CTDP1: variants seen among roughly 807,000 people sequenced by gnomAD.
CTDP1 encodes CTD phosphatase 1, also known as RNA polymerase II subunit A C-terminal domain phosphatase.
Under a neutral mutation model 91.8 loss-of-function variants are expected in CTDP1, and 47 were observed. The ratio of observed to expected loss-of-function variants is 0.51; its 90% CI spans 0.41 to 0.65. CTDP1 has a LOEUF of 0.65. Ranked by LOEUF, CTDP1 falls within the 30% of genes least tolerant of loss-of-function variation. The pLI is 0.00. For missense variants in CTDP1, 1,272 were observed against 1,373.7 expected (o/e 0.93, Z 1.17); for synonymous variants, 656 against 598.5 (o/e 1.10, Z -1.40).
At chr18:79,742,280 C>A (rs115268776) in intron 12 of CTDP1, among the ~76,000 whole-genome samples, 229 of 144,446 alleles carry the variant, frequency 1.6e-3, no homozygotes, top group African/African-American at 5.9e-3. Flanking sequence ...TGTGAGGTGT[C>A]CACGAGAGAG....
chr18:79,697,182 G>A (rs1314671713), intron 3 of CTDP1, among the ~76,000 whole-genome samples: 2 of 152,250 alleles, frequency 1.3e-5, no homozygotes, highest in African/African-American at 4.8e-5. Context: ...GCCCTTCCGT[G>A]CGTTTCCCTT....
intron 11 of CTDP1, among the ~76,000 whole-genome samples, chr18:79,730,086 C>T: frequency 6.6e-6 from 1 of 152,228 alleles, no homozygotes; most frequent in East Asian, 1.9e-4. Context: ...TAACTCAGGT[C>T]ATCACCTTTA....
intron 12 of CTDP1, among the ~76,000 whole-genome samples, chr18:79,737,790 A>G (rs1182047344): frequency 1.3e-5 from 2 of 152,136 alleles, no homozygotes; most frequent in Non-Finnish European, 2.9e-5. Context: ...CGCCCTGCCA[A>G]TATCAACACG....
At position 79,714,470 on chromosome 18, in the gene CTDP1, TC is replaced by T; in HGVS notation, c.1031-19del. ...TTTAATGCTAAATTGCGGTAACTTT[TC>T]CTTTTGCATGCATATTTAGTAAATC... On this transcript the variant is annotated intron_variant, in intron 7 of 12. Transcript: ENST00000613122. The T allele has an allele frequency of 1.2e-6, 2 of 1,612,444 alleles. No individual in the cohort carries two copies. Among genetic ancestry groups the T allele is most frequent in the South Asian group, 2.2e-5 (2 of 91,082 alleles).
chr18:79,679,859 C>A lies in CTDP1; in HGVS notation c.-89C>A. On this transcript the variant is annotated 5_prime_UTR_variant, in exon 1 of 13. Coordinates refer to ENST00000613122, the MANE Select transcript of CTDP1 (RefSeq NM_004715.5). ...CCGGTACCGAGAGGAACTACAGCGT[C>A]GCCGCCTGGGTTGTGTCGCCGCGGT... The A allele has an allele frequency of 8.2e-7, 1 of 1,223,116 alleles. No individual in the cohort carries two copies. The highest frequency in any genetic ancestry group is 1.1e-6 in the Non-Finnish European group (1 of 938,082). 75.8% of individuals were successfully genotyped at this position (1,223,116 alleles called of 1,614,324 possible). A position where few individuals can be genotyped will look rare whatever the true frequency, so the allele number is the denominator to read the frequency against.
intron 5 of CTDP1, among the ~76,000 whole-genome samples, chr18:79,706,461 G>A (rs866948595): frequency 1.1e-4 from 17 of 152,244 alleles, no homozygotes; most frequent in Non-Finnish European, 1.6e-4. Flanking sequence ...AACTGAGCGG[G>A]GCATCACTCT....
chr18:79,725,440 G>GT (rs926426092), intron 10 of CTDP1, among the ~76,000 whole-genome samples: 1 of 152,138 alleles, frequency 6.6e-6, no homozygotes, highest in African/African-American at 2.4e-5. Flanking sequence ...TTCCTTAACA[G>GT]TTACAGGGCT....
At position 79,695,973 on chromosome 18, in the gene CTDP1, GC is replaced by G. The variant is rs768323183; in HGVS notation, c.399-3del. ...AAGCCCTGAACCTGTCCTTGCACTT[GC>G]AGGTTGCAGAGTAAGAACGGGAAGC... is the stretch of plus-strand genomic sequence containing the variant. On this transcript the variant is annotated splice_region_variant and splice_polypyrimidine_tract_variant and intron_variant, in intron 2 of 12. Coordinates refer to ENST00000613122, the MANE Select transcript of CTDP1 (RefSeq NM_004715.5). 2 of 1,611,552 alleles carry G rather than the reference GC, an allele frequency of 1.2e-6. No individual in the cohort carries two copies. The highest frequency in any genetic ancestry group is 2.2e-5 in the South Asian group (2 of 91,066).
intron 4 of CTDP1, among the ~76,000 whole-genome samples, chr18:79,699,798 G>A (rs1289075425): frequency 6.6e-6 from 1 of 152,120 alleles, no homozygotes; most frequent in African/African-American, 2.4e-5. Context: ...TGGCGAGCAC[G>A]TCTGCAGGTG....
At chr18:79,700,524 C>A (rs545492528) in intron 4 of CTDP1, among the ~76,000 whole-genome samples, 45 of 152,204 alleles carry the variant, frequency 3.0e-4, no homozygotes, top group Admixed American at 2.0e-3. Context: ...GTCTTCAATT[C>A]TGTGAAGGTT....
At chr18:79,697,807 C>G in intron 3 of CTDP1, 53 bp from the exon 4 acceptor site, 1 of 1,612,364 alleles carries the variant, frequency 6.2e-7, no homozygotes, top group South Asian at 1.1e-5. Flanking sequence ...TGGAGTTTTA[C>G]CTTGGATGCA....
At chr18:79,693,913 C>A (rs2085679256) in intron 1 of CTDP1, among the ~76,000 whole-genome samples, 1 of 148,246 alleles carries the variant, frequency 6.7e-6, no homozygotes, top group Non-Finnish European at 1.5e-5. Context: ...AGGATGCAGG[C>A]TGCAGACCCG....
At position 79,709,932 on chromosome 18, in the gene CTDP1, G is replaced by C. The variant is rs949956608; in HGVS notation, c.773-414G>C. Among the ~76,000 whole-genome samples, 3 of 152,192 alleles carry C rather than the reference G, an allele frequency of 2.0e-5. No individual in the cohort carries two copies. The East Asian group carries it at 5.8e-4, about 29-fold the overall frequency. Reference sequence around the variant, plus strand: ...CCTGGGGTTAGGAAAGATCATATCCGAGGTGACGCAGAGTAATTTCAGCTT... The same window carrying C: ...CCTGGGGTTAGGAAAGATCATATCCCAGGTGACGCAGAGTAATTTCAGCTT... On this transcript the variant is annotated intron_variant, in intron 5 of 12. Transcript: ENST00000613122.
At chr18:79,695,115 G>A in intron 1 of CTDP1, 110 bp from the exon 2 acceptor site, 2 of 933,444 alleles carry the variant, frequency 2.1e-6, no homozygotes, top group Non-Finnish European at 3.5e-6. Flanking sequence ...AGTTATGCAA[G>A]GGTTAGTGTA....
intron 10 of CTDP1, among the ~76,000 whole-genome samples, chr18:79,720,883 G>A (rs1051346259): frequency 6.6e-6 from 1 of 152,144 alleles, no homozygotes; most frequent in African/African-American, 2.4e-5. Flanking sequence ...CCACAGTGTT[G>A]GGGGTCCCCA....
chr18:79,736,156 G>T (rs745692017), intron 11 of CTDP1, 199 bp from the exon 12 acceptor site: 377 of 668,782 alleles, frequency 5.6e-4, no homozygotes, highest in Middle Eastern at 1.2e-3. Context: ...TTGCTCTGTG[G>T]ATTTCCAAGC....
intron 1 of CTDP1, among the ~76,000 whole-genome samples, chr18:79,693,778 C>T (rs1377754983): frequency 6.6e-6 from 1 of 152,176 alleles, no homozygotes; most frequent in Non-Finnish European, 1.5e-5. Flanking sequence ...AAGAACTCCC[C>T]TCCACTCCCC....
In CTDP1 at chr18:79,713,640, G is replaced by A. The variant is rs2086127243; in HGVS notation, c.1030+502G>A. On this transcript the variant is annotated intron_variant, in intron 7 of 12. Transcript: ENST00000613122. The surrounding 1 kb of genome is among the most constrained non-coding windows in gnomAD (Gnocchi z 4.7). ...AAAGTTAAGTGTTTTTTGATCTTTA[G>A]TTTTTTGAAAAATATTTTGAGGCAC... is the stretch of plus-strand genomic sequence containing the variant. Among the ~76,000 whole-genome samples, 1 of 152,218 alleles carries A rather than the reference G, an allele frequency of 6.6e-6. No homozygotes were observed. Among genetic ancestry groups the A allele is most frequent in the African/African-American group, 2.4e-5 (1 of 41,448 alleles).
rs59154679 is a variant in CTDP1 at position 79,746,919 on chromosome 18, G to A, written c.2748-6733G>A. 4.2e-3 allele frequency among the ~76,000 whole-genome samples: 637 copies of A among 152,248 alleles called. 5 individuals carry two copies. Among genetic ancestry groups the A allele is most frequent in the African/African-American group, 0.014 (576 of 41,544 alleles). On this transcript the variant is annotated intron_variant, in intron 12 of 12. Coordinates refer to ENST00000613122, the MANE Select transcript of CTDP1 (RefSeq NM_004715.5). Reference sequence around the variant, plus strand: ...TGCTGGACCTACAGGTGTGAACACCGTGCCCACTGTGCCTACCGTGCCTAG... The same window carrying A: ...TGCTGGACCTACAGGTGTGAACACCATGCCCACTGTGCCTACCGTGCCTAG...
Sources: gnomAD v4.1 joint callset for allele counts (sites outside exome capture counted in the v4.1 genomes callset) on GRCh38, gnomAD v4.1.1 for gene constraint, Gnocchi (gnomAD v3.1) non-coding constraint, MANE v1.5 for transcripts, NCBI Gene and HGNC (gene_info 2026-07-23, HGNC 2026-07-21) for gene names.